The following MACROD2 variants were observed in gnomAD, a reference collection of about 807,000 sequenced individuals.
The protein encoded by MACROD2 is ADP-ribose glycohydrolase MACROD2.
Under a neutral mutation model 70.4 loss-of-function variants are expected in MACROD2, and 36 were observed. That is an observed-to-expected ratio of 0.51 (90% confidence interval 0.39 to 0.68). The LOEUF (loss-of-function observed/expected upper bound fraction) is 0.68, where lower values mean the gene tolerates loss of function less well. MACROD2 is among the 30% of genes least tolerant of loss of function. The pLI is 0.00. For missense variants in MACROD2, 496 were observed against 538.4 expected, an observed-to-expected ratio of 0.92 and a Z score of 0.78; for synonymous variants, 172 against 178.8, an observed-to-expected ratio of 0.96 and a Z score of 0.30.
intron 5 of MACROD2, among the ~76,000 whole-genome samples, chr20:14,984,777 T>TG (rs1447659443): frequency 6.6e-6 from 1 of 152,086 alleles, no homozygotes; most frequent in Non-Finnish European, 1.5e-5. Context: ...GGGACTGTGT[T>TG]GGGGAGAGGG....
chr20:15,940,644 T>C (rs1461496821), intron 12 of MACROD2, among the ~76,000 whole-genome samples: 1 of 152,226 alleles, frequency 6.6e-6, no homozygotes, highest in Non-Finnish European at 1.5e-5. Context: ...TACAAGTTGC[T>C]GAAGGCTCAG....
At chr20:14,876,113 C>T (rs1232566687) in intron 5 of MACROD2, among the ~76,000 whole-genome samples, 1 of 152,174 alleles carries the variant, frequency 6.6e-6, no homozygotes, top group Non-Finnish European at 1.5e-5. Flanking sequence ...ATTCTCTTTT[C>T]TCCACAGCCT....
intron 12 of MACROD2, among the ~76,000 whole-genome samples, chr20:15,945,678 C>T (rs1033596): frequency 0.72 from 108,732 of 152,070 alleles, 39,062 homozygotes; most frequent in Non-Finnish European, 0.75. Context: ...GGATGTAAAG[C>T]AATCTCTCAT....
intron 4 of MACROD2, among the ~76,000 whole-genome samples, chr20:14,648,776 T>C (rs955633785): frequency 6.6e-6 from 1 of 152,168 alleles, no homozygotes; most frequent in Non-Finnish European, 1.5e-5. Context: ...AGATCTAACA[T>C]CCTTTTTAAT....
chr20:15,961,120 AC>A (rs1366369778), intron 12 of MACROD2, among the ~76,000 whole-genome samples: 2 of 152,196 alleles, frequency 1.3e-5, no homozygotes, highest in African/African-American at 2.4e-5. Context: ...CTCTGCAGCC[AC>A]CCATATTTTA....
intron 5 of MACROD2, among the ~76,000 whole-genome samples, chr20:14,844,196 AT>A (rs148216465): frequency 0.017 from 2,527 of 151,910 alleles, 58 homozygotes; most frequent in African/African-American, 0.047. Flanking sequence ...TAGTAAGATA[AT>A]TTTTTTTCCC....
At chr20:15,834,379 G>A (rs999181806) in intron 8 of MACROD2, among the ~76,000 whole-genome samples, 16 of 152,130 alleles carry the variant, frequency 1.1e-4, no homozygotes, top group Admixed American at 3.9e-4. Context: ...AACACACCGC[G>A]TATTTTCCAG....
intron 5 of MACROD2, among the ~76,000 whole-genome samples, chr20:15,122,158 C>T (rs1230207948): frequency 6.6e-6 from 1 of 152,070 alleles, no homozygotes; most frequent in Non-Finnish European, 1.5e-5. Flanking sequence ...GCTAGTTCTC[C>T]TCTTTTCTTT....
At chr20:15,389,796 T>C (rs1190308886) in intron 6 of MACROD2, among the ~76,000 whole-genome samples, 1 of 152,226 alleles carries the variant, frequency 6.6e-6, no homozygotes, top group Non-Finnish European at 1.5e-5. Context: ...ATACCGTTAA[T>C]TATCTCTTAA....
At chr20:14,014,524 A>G (rs2052959511) in intron 2 of MACROD2, among the ~76,000 whole-genome samples, 2 of 152,198 alleles carry the variant, frequency 1.3e-5, no homozygotes, top group African/African-American at 2.4e-5. Context: ...TTTGAGCAGG[A>G]GAGCTACAGA....
chr20:14,790,903 C>T (rs542655346), intron 5 of MACROD2, among the ~76,000 whole-genome samples: 41 of 152,144 alleles, frequency 2.7e-4, no homozygotes, highest in Middle Eastern at 3.4e-3. Flanking sequence ...CCTCTCTGTG[C>T]GAGCTCTGGG....
At chr20:14,187,522 A>G (rs1422410950) in intron 3 of MACROD2, among the ~76,000 whole-genome samples, 1 of 152,236 alleles carries the variant, frequency 6.6e-6, no homozygotes, top group Admixed American at 6.5e-5. Context: ...CAGATACTAT[A>G]TCAGACTATC....
At chr20:15,272,542 A>T (rs980382832) in intron 6 of MACROD2, among the ~76,000 whole-genome samples, 1 of 152,214 alleles carries the variant, frequency 6.6e-6, no homozygotes, top group African/African-American at 2.4e-5. Flanking sequence ...ATAATAGTCA[A>T]CTTGTGAAGC....
chr20:15,560,748 G>A (rs1319818343), intron 8 of MACROD2, among the ~76,000 whole-genome samples: 3 of 103,880 alleles, frequency 2.9e-5, no homozygotes, highest in African/African-American at 1.1e-4. Flanking sequence ...GGGCCACAGG[G>A]CATAACAAAG....
rs374277315 is a variant in MACROD2, at chr20:15,814,409, A to G, written c.646-48336A>G. Among the ~76,000 whole-genome samples, 22 of 152,214 alleles carry G rather than the reference A, an allele frequency of 1.4e-4. 1 individual carries two copies. In the South Asian group the frequency reaches 2.9e-3, roughly 20 times the overall value. ...AGCTCCCCTCCTCTTGGCTGCCATA[A>G]TTCTAAGCTTTCTCTTATACACCAC... On this transcript the variant is annotated intron_variant, in intron 8 of 17. Coordinates refer to ENST00000684519, the MANE Select transcript of MACROD2 (RefSeq NM_001351661.2).
intron 6 of MACROD2, among the ~76,000 whole-genome samples, chr20:15,304,960 T>C (rs1051294587): frequency 1.3e-5 from 2 of 152,234 alleles, no homozygotes; most frequent in Non-Finnish European, 2.9e-5. Flanking sequence ...GCTCGTTTGC[T>C]TACAACTCTG....
chr20:14,444,290 A>T (rs2084159202), intron 3 of MACROD2, among the ~76,000 whole-genome samples: 1 of 152,064 alleles, frequency 6.6e-6, no homozygotes, highest in South Asian at 2.1e-4. Context: ...AATCCTTCAA[A>T]TTGCTCAATT....
intron 5 of MACROD2, among the ~76,000 whole-genome samples, chr20:14,792,408 CTAAGA>C (rs1187691642): frequency 1.1e-4 from 17 of 152,152 alleles, no homozygotes; most frequent in African/African-American, 3.9e-4. Context: ...TTTTTGTTCT[CTAAGA>C]TTTTAATTGC....
chr20:14,416,520 T>G (rs1206573403), intron 3 of MACROD2, among the ~76,000 whole-genome samples: 2 of 152,092 alleles, frequency 1.3e-5, no homozygotes, highest in African/African-American at 4.8e-5. Flanking sequence ...ATTATGAAAA[T>G]AAGGGATGAA....
Sources: allele counts gnomAD v4.1 joint callset (sites outside exome capture counted in the v4.1 genomes callset), GRCh38; gene constraint gnomAD v4.1.1; transcripts MANE v1.5; gene names NCBI Gene and HGNC (gene_info 2026-07-23, HGNC 2026-07-21).